DNAJB6: variants seen among roughly 807,000 people sequenced by gnomAD.
The protein encoded by DNAJB6 is dnaJ homolog subfamily B member 6.
A neutral mutation model predicts 42.7 loss-of-function variants in DNAJB6; 16 were observed. The observed-to-expected ratio is 0.37, with a 90% CI of 0.25 to 0.57. DNAJB6 has a LOEUF of 0.57. DNAJB6 is among the 20% of genes least tolerant of loss of function. DNAJB6 has a pLI of 0.74. For synonymous variants in DNAJB6, 170 were observed against 163.5 expected (o/e 1.04, Z -0.30); for missense variants, 347 against 416.8 (o/e 0.83, Z 1.46).
chr7:157,364,095 CAAA>C (rs200155406), intron 3 of DNAJB6, among the ~76,000 whole-genome samples: 1 of 151,044 alleles, frequency 6.6e-6, no homozygotes, highest in South Asian at 2.1e-4. Flanking sequence ...TTATTTACAA[CAAA>C]AAAAATTTTT....
intron 1 of DNAJB6, among the ~76,000 whole-genome samples, chr7:157,352,296 T>G (rs1392115717): frequency 6.6e-6 from 1 of 151,938 alleles, no homozygotes; most frequent in Non-Finnish European, 1.5e-5. Flanking sequence ...GCTACTCTAC[T>G]CTGGCGACAG....
At chr7:157,357,228 T>TTCCG (rs1469791781) in intron 1 of DNAJB6, among the ~76,000 whole-genome samples, 2 of 77,066 alleles carry the variant, frequency 2.6e-5, no homozygotes, top group East Asian at 1.2e-3. Context: ...CCTTCCTTCC[T>TTCCG]TCCTTCCTTC....
rs752309724 is a variant in DNAJB6, at chr7:157,366,497, T to C, written c.176-5T>C. 6.2e-7 allele frequency: 1 copy of C among 1,613,948 alleles called. No individual in the cohort carries two copies. Among genetic ancestry groups the C allele is most frequent in the Admixed American group, 1.7e-5 (1 of 60,002 alleles). On this transcript the variant is annotated splice_region_variant and splice_polypyrimidine_tract_variant and intron_variant, in intron 3 of 9. Transcript: ENST00000262177. ...GGCCTTACCGACTTTTCTTTCAATTTTTAGCTAAGAAACGGGACATCTATG... is the reference window on the plus strand; with the variant it reads ...GGCCTTACCGACTTTTCTTTCAATTCTTAGCTAAGAAACGGGACATCTATG...
intron 4 of DNAJB6, among the ~76,000 whole-genome samples, chr7:157,367,019 T>C (rs1799878493): frequency 4.6e-5 from 7 of 152,232 alleles, no homozygotes; most frequent in Admixed American, 4.6e-4. Context: ...GCAGCTTCTG[T>C]GGCTCCAGGA....
At chr7:157,413,318 G>C (rs1796027104) in intron 9 of DNAJB6, 1 of 152,178 alleles carries the variant, frequency 6.6e-6, no homozygotes, top group Admixed American at 6.5e-5. Context: ...CAGGTCCTTT[G>C]TTTTTTTGGC....
chr7:157,406,783 G>A (rs996716751), intron 8 of DNAJB6, among the ~76,000 whole-genome samples: 38 of 152,370 alleles, frequency 2.5e-4, no homozygotes, highest in Admixed American at 5.2e-4. Context: ...GGGAGCTTTG[G>A]ACGCTGCAGG....
At position 157,400,783 on chromosome 7, in the gene DNAJB6, G is replaced by T. The variant is rs891160580; in HGVS notation, c.692-9012G>T. 2.6e-5 allele frequency among the ~76,000 whole-genome samples: 4 copies of T among 152,312 alleles called. 1 individual carries two copies. The South Asian group carries it at 8.3e-4, about 32-fold the overall frequency. On this transcript the variant is annotated intron_variant, in intron 8 of 9. Coordinates refer to ENST00000262177, the MANE Select transcript of DNAJB6 (RefSeq NM_058246.4). ...CTGTGGGTGGGCGAGACGTGAGTGG[G>T]TCATGGAAGGATCTTTCTGGAAGTG...
chr7:157,409,285 G>A (rs1795885219), intron 8 of DNAJB6, among the ~76,000 whole-genome samples: 5 of 152,198 alleles, frequency 3.3e-5, no homozygotes, highest in Admixed American at 3.3e-4. Flanking sequence ...GGAGTGGCCG[G>A]GATGGCCCTG....
intron 8 of DNAJB6, among the ~76,000 whole-genome samples, chr7:157,398,701 A>G (rs1207217173): frequency 6.6e-6 from 1 of 152,200 alleles, no homozygotes; most frequent in Non-Finnish European, 1.5e-5. Flanking sequence ...TTTCTGGTAT[A>G]TTTAGTTCCC....
At chr7:157,415,763 C>T (rs558141984) in intron 9 of DNAJB6, among the ~76,000 whole-genome samples, 1 of 152,302 alleles carries the variant, frequency 6.6e-6, no homozygotes, top group East Asian at 1.9e-4. Context: ...TTTAGCTCTG[C>T]CGCTGGGCGG....
intron 6 of DNAJB6, among the ~76,000 whole-genome samples, chr7:157,383,682 CA>C (rs1800907326): frequency 2.6e-5 from 4 of 151,730 alleles, no homozygotes; most frequent in African/African-American, 9.7e-5. Flanking sequence ...AGGTGCCTTA[CA>C]AAGTATCACA....
intron 8 of DNAJB6, among the ~76,000 whole-genome samples, chr7:157,400,646 C>T (rs1267816805): frequency 6.6e-6 from 1 of 152,242 alleles, no homozygotes; most frequent in Non-Finnish European, 1.5e-5. Context: ...ACCAGGCTCA[C>T]CGCCGGGGCT....
At chr7:157,410,631 G>T (rs1262093957) in intron 9 of DNAJB6, 1 of 154,372 alleles carries the variant, frequency 6.5e-6, no homozygotes, top group Non-Finnish European at 1.4e-5. Context: ...CCCTGACTGC[G>T]TCCTAAAGCC....
chr7:157,361,745 T>TATTCATTCATTC (rs56963367), intron 2 of DNAJB6, among the ~76,000 whole-genome samples: 49 of 150,988 alleles, frequency 3.2e-4, no homozygotes, highest in African/African-American at 9.9e-4. Flanking sequence ...GATTTTTTTG[T>TATTCATTCATTC]ATTCATTCAT....
intron 8 of DNAJB6, among the ~76,000 whole-genome samples, chr7:157,404,518 T>C (rs897664841): frequency 2.8e-5 from 4 of 143,398 alleles, no homozygotes; most frequent in African/African-American, 8.1e-5. Context: ...TTTCTTTTCT[T>C]TTTTTTTTTT....
At chr7:157,386,686 C>G (rs2117099151) in intron 8 of DNAJB6, among the ~76,000 whole-genome samples, 1 of 152,128 alleles carries the variant, frequency 6.6e-6, no homozygotes, top group East Asian at 1.9e-4. Context: ...AGTTTGAGAC[C>G]AGCCTGACCA....
chr7:157,408,960 A>T (rs913910838), intron 8 of DNAJB6, among the ~76,000 whole-genome samples: 1 of 152,194 alleles, frequency 6.6e-6, no homozygotes, highest in East Asian at 1.9e-4. Flanking sequence ...TTGCGGAGGG[A>T]CGAGGAATCC....
chr7:157,373,103 T>C (rs1205194861), intron 5 of DNAJB6, among the ~76,000 whole-genome samples: 2 of 151,798 alleles, frequency 1.3e-5, no homozygotes, highest in African/African-American at 4.9e-5. Context: ...ATCATTTATA[T>C]TGGCTTAGTG....
intron 1 of DNAJB6, among the ~76,000 whole-genome samples, chr7:157,353,034 T>C (rs778491664): frequency 5.3e-5 from 8 of 152,208 alleles, no homozygotes; most frequent in Non-Finnish European, 1.0e-4. Context: ...GTCAATTCAC[T>C]TTGAAGCCCA....
Sources: allele counts gnomAD v4.1 joint callset (sites outside exome capture counted in the v4.1 genomes callset), GRCh38; gene constraint gnomAD v4.1.1; transcripts MANE v1.5; gene names NCBI Gene and HGNC (gene_info 2026-07-23, HGNC 2026-07-21).